CREM: variants seen among roughly 807,000 people sequenced by gnomAD.
The protein encoded by CREM is cAMP-responsive element modulator.
CREM carries 13 observed loss-of-function variants against 37.3 expected under a neutral mutation model. That is an observed-to-expected ratio of 0.35 (90% confidence interval 0.23 to 0.55). The LOEUF (loss-of-function observed/expected upper bound fraction) is 0.55. CREM is among the 20% of genes least tolerant of loss of function. The pLI is 0.88. For missense variants in CREM, 296 were observed against 362.3 expected (o/e 0.82, Z 1.49); for synonymous variants, 124 against 120.2 (o/e 1.03, Z -0.21).
rs535961056 is a variant in CREM, at chr10:35,170,100, C to T, written c.169-8789C>T. 2.0e-5 allele frequency among the ~76,000 whole-genome samples: 3 copies of T among 151,850 alleles called. No individual in the cohort carries two copies. The East Asian group carries it at 5.8e-4, about 29-fold the overall frequency. ...GCTTCAGCCTCCCTAGTAGCTGGGA[C>T]TACAGGCACCCGCCACCACACCCGG... On this transcript the variant is annotated intron_variant, in intron 3 of 7. Coordinates refer to ENST00000685392, the MANE Select transcript of CREM (RefSeq NM_183011.2).
In CREM at chr10:35,141,688, C is replaced by T. The variant is rs147534221; in HGVS notation, c.44+3809C>T. ...ATTGGATTTTGGAATTGAGAAGAGA[C>T]GTCTGGCCTAGAGTCATGGGTTTAA... On this transcript the variant is annotated intron_variant, in intron 2 of 7. Transcript: ENST00000685392. 2.0e-4 allele frequency among the ~76,000 whole-genome samples: 31 copies of T among 152,250 alleles called. No individual in the cohort carries two copies. In the South Asian group the frequency reaches 3.9e-3, roughly 19 times the overall value.
At chr10:35,184,390 C>T (rs1327031534) in intron 5 of CREM, among the ~76,000 whole-genome samples, 4 of 152,202 alleles carry the variant, frequency 2.6e-5, no homozygotes. Context: ...GTTTTCTCCT[C>T]AAATCTCTGA....
intron 3 of CREM, among the ~76,000 whole-genome samples, chr10:35,161,245 G>A (rs376998018): frequency 2.1e-4 from 32 of 151,798 alleles, no homozygotes; most frequent in African/African-American, 6.5e-4. Flanking sequence ...AAAGCTATTC[G>A]CGTGCCTCAG....
chr10:35,173,832 CAA>C (rs934176530), intron 3 of CREM, among the ~76,000 whole-genome samples: 3 of 152,142 alleles, frequency 2.0e-5, no homozygotes, highest in Non-Finnish European at 4.4e-5. Flanking sequence ...ATCACAGAAA[CAA>C]AAGCTCTTTG....
At chr10:35,195,828 T>TA in intron 6 of CREM, 1 of 533,576 alleles carries the variant, frequency 1.9e-6, no homozygotes, top group East Asian at 3.1e-5. Flanking sequence ...GTGGAAAAGT[T>TA]AAAACTCCAA....
chr10:35,203,168 C>T (rs1021846167), intron 6 of CREM, among the ~76,000 whole-genome samples: 3 of 151,952 alleles, frequency 2.0e-5, no homozygotes, highest in Non-Finnish European at 4.4e-5. Context: ...GATCTTCCCA[C>T]CTAAGGCTCT....
intron 6 of CREM, chr10:35,195,277 T>C: frequency 6.3e-7 from 1 of 1,589,382 alleles, no homozygotes; most frequent in Non-Finnish European, 8.6e-7. Flanking sequence ...TTAGGAAGTA[T>C]TCAGGAACAT....
chr10:35,156,578 C>T (rs1339391267), intron 3 of CREM, among the ~76,000 whole-genome samples: 2 of 152,128 alleles, frequency 1.3e-5, no homozygotes, highest in Non-Finnish European at 2.9e-5. Flanking sequence ...CTTATTTTAT[C>T]GTTTGTTATT....
intron 2 of CREM, among the ~76,000 whole-genome samples, chr10:35,141,519 C>G (rs149669121): frequency 6.6e-6 from 1 of 151,998 alleles, no homozygotes; most frequent in Non-Finnish European, 1.5e-5. Flanking sequence ...TTGAACAACT[C>G]GTTGGATGAT....
At chr10:35,179,014 A>G (rs527347965) in intron 4 of CREM, 28 bp downstream of exon 4, 2 of 1,574,958 alleles carry the variant, frequency 1.3e-6, no homozygotes, top group South Asian at 1.2e-5. Flanking sequence ...CCTAATGTAA[A>G]GATACTTTTT....
chr10:35,137,202 A>G (rs2090684511), intron 1 of CREM, among the ~76,000 whole-genome samples: 1 of 144,404 alleles, frequency 6.9e-6, no homozygotes, highest in South Asian at 2.1e-4. Context: ...AAAAATAAAG[A>G]GAGTTTAATT....
intron 3 of CREM, among the ~76,000 whole-genome samples, chr10:35,170,380 G>T (rs2132662488): frequency 6.6e-6 from 1 of 152,278 alleles, no homozygotes; most frequent in Admixed American, 6.5e-5. Context: ...TTCTGTCTCT[G>T]CCAGGCTTTG....
intron 1 of CREM, chr10:35,135,575 A>G (rs988176346): frequency 1.3e-5 from 2 of 152,012 alleles, no homozygotes; most frequent in Non-Finnish European, 2.9e-5. Context: ...GTGTTTAGGT[A>G]TAAGGAGATC....
At chr10:35,145,115 C>G (rs1477565401) in intron 2 of CREM, among the ~76,000 whole-genome samples, 1 of 146,572 alleles carries the variant, frequency 6.8e-6, no homozygotes, top group African/African-American at 2.5e-5. Flanking sequence ...GAGTCCAGAT[C>G]GCGCCACTGC....
chr10:35,148,297 G>A (rs1291548500), intron 2 of CREM, 71 bp from the exon 3 acceptor site: 3 of 1,447,056 alleles, frequency 2.1e-6, no homozygotes, highest in Admixed American at 2.3e-5. Context: ...TTGGATTAGG[G>A]ATGTTCAACC....
At chr10:35,195,119 T>G in intron 6 of CREM, 1 of 1,536,604 alleles carries the variant, frequency 6.5e-7, no homozygotes, top group Non-Finnish European at 9.0e-7. Flanking sequence ...TGCACATGCT[T>G]GCTAATTTGG....
At chr10:35,165,731 T>C in intron 3 of CREM, among the ~76,000 whole-genome samples, 1 of 151,446 alleles carries the variant, frequency 6.6e-6, no homozygotes, top group Middle Eastern at 3.4e-3. Flanking sequence ...TTATAATAAG[T>C]GAAACATATC....
chr10:35,188,155 A>G, intron 5 of CREM, 45 bp from the exon 6 acceptor site: 1 of 1,548,034 alleles, frequency 6.5e-7, no homozygotes, highest in African/African-American at 1.4e-5. Flanking sequence ...ATTATTAAAA[A>G]TAAATCTTGA....
intron 3 of CREM, among the ~76,000 whole-genome samples, chr10:35,160,862 A>G (rs770175681): frequency 6.6e-6 from 1 of 152,170 alleles, no homozygotes; most frequent in Non-Finnish European, 1.5e-5. Context: ...CTAGGCCTGT[A>G]TAGTGTCAGG....
Sources: allele counts gnomAD v4.1 joint callset (sites outside exome capture counted in the v4.1 genomes callset), GRCh38; gene constraint gnomAD v4.1.1; transcripts MANE v1.5; gene names NCBI Gene and HGNC (gene_info 2026-07-23, HGNC 2026-07-21).